Variants in ZRANB3 observed in about 807,000 individuals in gnomAD.
ZRANB3 encodes the protein DNA annealing helicase and endonuclease ZRANB3.
In ZRANB3, 125 loss-of-function variants were observed where a neutral mutation model predicts 133.8. The ratio of observed to expected loss-of-function variants is 0.93; its 90% CI spans 0.81 to 1.08. The LOEUF (loss-of-function observed/expected upper bound fraction) is 1.08, where lower values mean the gene tolerates loss of function less well. Ranked by LOEUF, ZRANB3 falls within the 50% of genes least tolerant of loss-of-function variation. ZRANB3 has a pLI of 0.00. For missense variants in ZRANB3, 1,229 were observed against 1,275.5 expected (o/e 0.96, Z 0.56); for synonymous variants, 387 against 432.7 (o/e 0.89, Z 1.31).
intron 2 of ZRANB3, among the ~76,000 whole-genome samples, chr2:135,407,905 T>C (rs1219079915): frequency 2.5e-4 from 37 of 145,784 alleles, no homozygotes; most frequent in East Asian, 3.9e-4. Flanking sequence ...ATTCAGGACA[T>C]AGGCATGGGC....
At chr2:135,226,813 A>G (rs920771791) in intron 14 of ZRANB3, among the ~76,000 whole-genome samples, 11 of 152,196 alleles carry the variant, frequency 7.2e-5, no homozygotes, top group African/African-American at 2.2e-4. Flanking sequence ...CAGTGAGATC[A>G]AGAAAACTAG....
chr2:135,426,334 A>G (rs1480228154), intron 2 of ZRANB3, among the ~76,000 whole-genome samples: 1 of 152,140 alleles, frequency 6.6e-6, no homozygotes, highest in East Asian at 1.9e-4. Flanking sequence ...AACTCATTCT[A>G]TGAGGCCAGC....
chr2:135,408,505 G>A (rs1206944687), intron 2 of ZRANB3, among the ~76,000 whole-genome samples: 2 of 152,108 alleles, frequency 1.3e-5, no homozygotes, highest in Non-Finnish European at 1.5e-5. Context: ...AAATCATGCT[G>A]CTATAAAGAC....
intron 2 of ZRANB3, among the ~76,000 whole-genome samples, chr2:135,415,335 G>A (rs535978252): frequency 5.3e-5 from 8 of 151,994 alleles, no homozygotes; most frequent in Admixed American, 2.0e-4. Context: ...ACACCTCTAC[G>A]CAAATAAACT....
chr2:135,318,067 A>G (rs1385925312), intron 6 of ZRANB3, among the ~76,000 whole-genome samples: 2 of 152,130 alleles, frequency 1.3e-5, no homozygotes, highest in Non-Finnish European at 1.5e-5. Context: ...CATCTCATGG[A>G]TGGTAATAGT....
intron 2 of ZRANB3, among the ~76,000 whole-genome samples, chr2:135,395,430 G>A (rs895397898): frequency 6.7e-6 from 1 of 149,764 alleles, no homozygotes; most frequent in African/African-American, 2.5e-5. Context: ...ACACAAGAAT[G>A]GGCAAAGATT....
chr2:135,439,453 G>T (rs1689686226), intron 2 of ZRANB3, among the ~76,000 whole-genome samples: 1 of 152,026 alleles, frequency 6.6e-6, no homozygotes, highest in African/African-American at 2.4e-5. Context: ...GCAAAATGCA[G>T]AATCTTGTTT....
At chr2:135,258,851 T>A (rs1679793627) in intron 12 of ZRANB3, among the ~76,000 whole-genome samples, 1 of 152,232 alleles carries the variant, frequency 6.6e-6, no homozygotes, top group African/African-American at 2.4e-5. Flanking sequence ...CCACAGCTCC[T>A]GTGGTCAACT....
intron 12 of ZRANB3, among the ~76,000 whole-genome samples, chr2:135,231,948 G>A (rs1435465555): frequency 1.3e-5 from 2 of 152,158 alleles, no homozygotes; most frequent in Non-Finnish European, 2.9e-5. Flanking sequence ...GTGGGTGCAG[G>A]ACAGTGGGTG....
At chr2:135,305,033 G>A (rs1483051341) in intron 8 of ZRANB3, among the ~76,000 whole-genome samples, 1 of 152,080 alleles carries the variant, frequency 6.6e-6, no homozygotes, top group Non-Finnish European at 1.5e-5. Context: ...CTGGAATGCA[G>A]TGGTGCGATC....
At chr2:135,206,184 C>A (rs989393607) in intron 19 of ZRANB3, among the ~76,000 whole-genome samples, 4 of 151,498 alleles carry the variant, frequency 2.6e-5, no homozygotes, top group African/African-American at 9.7e-5. Context: ...GCATTATAAT[C>A]AAATATACTA....
At chr2:135,242,885 A>G (rs1247626934) in intron 12 of ZRANB3, among the ~76,000 whole-genome samples, 4 of 152,028 alleles carry the variant, frequency 2.6e-5, no homozygotes, top group Non-Finnish European at 4.4e-5. Context: ...TTTCATGAGC[A>G]CACTGTTTTT....
At chr2:135,460,027 A>G (rs1257987293) in intron 2 of ZRANB3, among the ~76,000 whole-genome samples, 1 of 152,178 alleles carries the variant, frequency 6.6e-6, no homozygotes, top group Non-Finnish European at 1.5e-5. Context: ...TGAAACAGAA[A>G]GAGAAACACA....
intron 16 of ZRANB3, among the ~76,000 whole-genome samples, 186 bp from the exon 17 acceptor site, chr2:135,217,793 C>T (rs1180794814): frequency 6.6e-6 from 1 of 152,158 alleles, no homozygotes; most frequent in South Asian, 2.1e-4. Context: ...AAACTACCTA[C>T]AGCAGTTCTC....
chr2:135,345,586 G>A lies in ZRANB3; in HGVS notation c.641C>T (p.Thr214Ile). 6.2e-7 allele frequency: 1 copy of A among 1,612,806 alleles called. No homozygotes were observed. The highest frequency in any genetic ancestry group is 8.5e-7 in the Non-Finnish European group (1 of 1,179,414). The change falls in exon 6 of 21, where the codon ACC becomes ATC. Residue 214 changes from threonine (T) to isoleucine (I), a missense_variant. Coordinates refer to ENST00000264159, the MANE Select transcript of ZRANB3 (RefSeq NM_032143.4). ...ALFPQKFGRWTDYAKRYCNAH... is the reference protein window; with the variant it reads ...ALFPQKFGRWIDYAKRYCNAH... ...ATTACAGTATCTTTTTGCATAGTCGGTCCATCTTCCAAATTTTTGTGGAAA... is the reference window on the plus strand; with the variant it reads ...ATTACAGTATCTTTTTGCATAGTCGATCCATCTTCCAAATTTTTGTGGAAA...
intron 12 of ZRANB3, among the ~76,000 whole-genome samples, chr2:135,257,554 T>C (rs1280995142): frequency 6.6e-6 from 1 of 152,228 alleles, no homozygotes; most frequent in African/African-American, 2.4e-5. Context: ...ATCAACAATA[T>C]ATGAGTCTTC....
intron 2 of ZRANB3, among the ~76,000 whole-genome samples, chr2:135,433,269 C>T (rs2104984110): frequency 6.6e-6 from 1 of 152,156 alleles, no homozygotes; most frequent in South Asian, 2.1e-4. Context: ...CGCCTGTAAT[C>T]CCAGCTACTT....
chr2:135,365,447 C>A (rs1242642492), intron 3 of ZRANB3, among the ~76,000 whole-genome samples: 1 of 152,098 alleles, frequency 6.6e-6, no homozygotes, highest in Non-Finnish European at 1.5e-5. Context: ...ATATAAGGCT[C>A]AATGATCAAC....
intron 2 of ZRANB3, among the ~76,000 whole-genome samples, chr2:135,443,376 C>A (rs1399583026): frequency 2.6e-5 from 3 of 114,450 alleles, no homozygotes; most frequent in African/African-American, 6.9e-5. Flanking sequence ...CACAGTGGGG[C>A]CTGTCAGGGG....
Sources: gnomAD v4.1 joint callset for allele counts (sites outside exome capture counted in the v4.1 genomes callset) on GRCh38, gnomAD v4.1.1 for gene constraint, MANE v1.5 for transcripts, NCBI Gene and HGNC (gene_info 2026-07-23, HGNC 2026-07-21) for gene names.